Variants in PACRG observed in about 807,000 individuals in gnomAD.
The protein encoded by PACRG is parkin coregulated gene protein.
PACRG carries 29 observed loss-of-function variants against 29.7 expected under a neutral mutation model. That is an observed-to-expected ratio of 0.98 (90% CI 0.73 to 1.33). The LOEUF (loss-of-function observed/expected upper bound fraction) is 1.33, where lower values mean the gene tolerates loss of function less well. Ranked by LOEUF, PACRG falls within the 40% of genes most tolerant of loss-of-function variation. The pLI, the probability that PACRG is intolerant of heterozygous loss-of-function variation, is 0.00. For missense variants in PACRG, 279 were observed against 316.2 expected, an observed-to-expected ratio of 0.88 and a Z score of 0.89; for synonymous variants, 116 against 118.7, an observed-to-expected ratio of 0.98 and a Z score of 0.15.
chr6:163,195,683 AC>A (rs1243583712), intron 4 of PACRG, among the ~76,000 whole-genome samples: 1 of 151,218 alleles, frequency 6.6e-6, no homozygotes, highest in Non-Finnish European at 1.5e-5. Context: ...AGGCCGCCCG[AC>A]CCCCCTCTCA....
At chr6:162,841,446 C>G (rs1789752816) in intron 2 of PACRG, among the ~76,000 whole-genome samples, 1 of 152,060 alleles carries the variant, frequency 6.6e-6, no homozygotes, top group Admixed American at 6.5e-5. Flanking sequence ...GTGATATCCC[C>G]TTTATCATAT....
At chr6:162,971,560 C>T (rs1474961779) in intron 2 of PACRG, among the ~76,000 whole-genome samples, 1 of 152,218 alleles carries the variant, frequency 6.6e-6, no homozygotes, top group Non-Finnish European at 1.5e-5. Flanking sequence ...ATCATCGCCT[C>T]TTCTAGGATT....
intron 4 of PACRG, chr6:163,170,302 T>A (rs1054779359): frequency 1.3e-5 from 2 of 152,220 alleles, no homozygotes; most frequent in African/African-American, 4.8e-5. Context: ...CTGTTCCGTG[T>A]TGTTCTCACC....
At chr6:163,066,599 G>T (rs958917791) in intron 3 of PACRG, among the ~76,000 whole-genome samples, 2 of 152,204 alleles carry the variant, frequency 1.3e-5, no homozygotes, top group African/African-American at 4.8e-5. Context: ...CAAAGTCAAT[G>T]CAGAAGATAA....
chr6:162,916,353 T>C (rs1483250210), intron 2 of PACRG, among the ~76,000 whole-genome samples: 1 of 152,188 alleles, frequency 6.6e-6, no homozygotes, highest in African/African-American at 2.4e-5. Flanking sequence ...GACTATGATG[T>C]GTTTGGTCAT....
intron 3 of PACRG, 136 bp downstream of exon 3, chr6:163,062,457 G>A: frequency 9.7e-7 from 1 of 1,035,948 alleles, no homozygotes; most frequent in Non-Finnish European, 1.4e-6. Flanking sequence ...GACTTAGGAG[G>A]CCAGACAACC....
intron 4 of PACRG, among the ~76,000 whole-genome samples, chr6:163,161,115 T>G (rs1379387280): frequency 6.6e-6 from 1 of 152,180 alleles, no homozygotes; most frequent in Non-Finnish European, 1.5e-5. Context: ...CCGGGTCATG[T>G]AATCAACATC....
intron 4 of PACRG, among the ~76,000 whole-genome samples, chr6:163,125,986 CACTT>C (rs1023651077): frequency 5.9e-5 from 9 of 152,200 alleles, no homozygotes; most frequent in African/African-American, 9.7e-5. Flanking sequence ...TACATACAAA[CACTT>C]ACACATTGCA....
chr6:162,857,922 A>T (rs918921209), intron 2 of PACRG, among the ~76,000 whole-genome samples: 4 of 152,206 alleles, frequency 2.6e-5, no homozygotes, highest in Non-Finnish European at 4.4e-5. Context: ...ATGCAACTTG[A>T]CAGAAGGCTT....
chr6:162,796,521 A>T (rs1773350369), intron 1 of PACRG, among the ~76,000 whole-genome samples: 1 of 151,860 alleles, frequency 6.6e-6, no homozygotes, highest in African/African-American at 2.4e-5. Context: ...CTTATTTTTT[A>T]TGATAGCTAT....
Position 162,787,582 on chromosome 6 carries a change from G to GTGTGTATATA in PACRG, c.157-26564_157-26563insGTGTATATAT, listed in dbSNP as rs1198197561. Among the ~76,000 whole-genome samples the GTGTGTATATA allele has an allele frequency of 4.2e-3, 260 of 62,322 alleles. 2 individuals are homozygous for GTGTGTATATA. The highest frequency in any genetic ancestry group is 0.038 in the East Asian group (33 of 862). 40.9% of individuals were successfully genotyped at this position (62,322 alleles called of 152,430 possible). Reference sequence around the variant, plus strand: ...ATTGTGTGTGTGTGTGTGTGTGTGTGTATATATATATATATATATATATAT... The same window carrying GTGTGTATATA: ...ATTGTGTGTGTGTGTGTGTGTGTGTGTGTGTATATATATATATATATATATATATATATAT... On this transcript the variant is annotated intron_variant, in intron 1 of 4. Coordinates refer to ENST00000366888, the MANE Select transcript of PACRG (RefSeq NM_001080379.2).
chr6:163,054,404 C>T (rs143461814), intron 2 of PACRG, among the ~76,000 whole-genome samples: 1 of 152,178 alleles, frequency 6.6e-6, no homozygotes, highest in Non-Finnish European at 1.5e-5. Flanking sequence ...TATGCTGACA[C>T]CCTGATCTCC....
chr6:163,185,963 AG>A (rs1207176370), intron 4 of PACRG, among the ~76,000 whole-genome samples: 1 of 152,080 alleles, frequency 6.6e-6, no homozygotes, highest in African/African-American at 2.4e-5. Context: ...CAGCACTCCC[AG>A]GCAGTGAGTG....
At chr6:163,179,726 T>TA (rs1191046823) in intron 4 of PACRG, among the ~76,000 whole-genome samples, 1 of 71,392 alleles carries the variant, frequency 1.4e-5, no homozygotes, top group African/African-American at 3.2e-5. Flanking sequence ...AAAAAAAAAA[T>TA]TTTCTTACAT....
At chr6:162,742,104 C>G (rs1052516894) in intron 1 of PACRG, among the ~76,000 whole-genome samples, 1 of 152,144 alleles carries the variant, frequency 6.6e-6, no homozygotes, top group African/African-American at 2.4e-5. Flanking sequence ...CTCTTTGCTT[C>G]TGTGAGTCTG....
At chr6:163,047,751 G>A (rs1047648011) in intron 2 of PACRG, among the ~76,000 whole-genome samples, 4 of 152,140 alleles carry the variant, frequency 2.6e-5, no homozygotes, top group Admixed American at 6.5e-5. Context: ...GCCAGCCATA[G>A]ACATGATGAT....
At chr6:163,314,569 A>ATC (rs545860478) in intron 4 of PACRG, among the ~76,000 whole-genome samples, 6 of 152,196 alleles carry the variant, frequency 3.9e-5, no homozygotes, top group Non-Finnish European at 8.8e-5. Context: ...CCGACTTGTC[A>ATC]TCTTTCTTGT....
intron 4 of PACRG, among the ~76,000 whole-genome samples, chr6:163,195,661 A>T (rs965271620): frequency 2.0e-5 from 3 of 152,092 alleles, no homozygotes; most frequent in African/African-American, 7.2e-5. Context: ...GCGGCTGAGG[A>T]GGTGGCAGTG....
At chr6:163,282,767 G>GAA (rs918746350) in intron 4 of PACRG, among the ~76,000 whole-genome samples, 4 of 150,980 alleles carry the variant, frequency 2.6e-5, no homozygotes, top group Admixed American at 2.6e-4. Context: ...ATTTAGCCAT[G>GAA]ACAAGGCTTA....
Sources: gnomAD v4.1 joint callset for allele counts (sites outside exome capture counted in the v4.1 genomes callset) on GRCh38, gnomAD v4.1.1 for gene constraint, MANE v1.5 for transcripts, NCBI Gene and HGNC (gene_info 2026-07-23, HGNC 2026-07-21) for gene names.